The following COL20A1 variants were observed in gnomAD, a reference collection of about 807,000 sequenced individuals.
The protein encoded by COL20A1 is collagen alpha-1(XX) chain.
A neutral mutation model predicts 152.9 loss-of-function variants in COL20A1; 164 were observed. That is an observed-to-expected ratio of 1.07 (90% CI 0.94 to 1.22). COL20A1 has a LOEUF of 1.22. Ranked by LOEUF, COL20A1 falls within the 50% of genes most tolerant of loss-of-function variation. The pLI is 0.00. For missense variants in COL20A1, 1,873 were observed against 1,744.8 expected (o/e 1.07, Z -1.31); for synonymous variants, 864 against 756.0 (o/e 1.14, Z -2.34).
At chr20:63,320,866 T>C (rs2068152915) in intron 25 of COL20A1, 147 bp from the exon 26 acceptor site, 2 of 636,678 alleles carry the variant, frequency 3.1e-6, no homozygotes, top group Admixed American at 2.7e-5. Context: ...CACTATGCAC[T>C]TGGGCCCCTG....
chr20:63,295,259 C>T (rs2067772540), intron 2 of COL20A1, 70 bp downstream of exon 2: 11 of 1,006,588 alleles, frequency 1.1e-5, no homozygotes, highest in East Asian at 2.6e-5. Flanking sequence ...CCACGCGGGA[C>T]GAGCCCTCCG....
rs2068023823 is a variant in COL20A1, at chr20:63,312,568, G to A, written c.1933+19G>A. On this transcript the variant is annotated intron_variant, in intron 15 of 35. Coordinates refer to ENST00000358894, the MANE Select transcript of COL20A1 (RefSeq NM_020882.4). ...ACCACCAGTGAGTGGGGAGAGGCTG[G>A]GGCTGGGGGTCCAGCAGGGTTTCTG... The A allele has an allele frequency of 9.6e-6, 15 of 1,555,256 alleles. No individual in the cohort carries two copies. Among genetic ancestry groups the A allele is most frequent in the Non-Finnish European group, 1.2e-5 (14 of 1,155,864 alleles).
At chr20:63,322,407 G>T (rs1404640119) in intron 27 of COL20A1, among the ~76,000 whole-genome samples, 1 of 152,204 alleles carries the variant, frequency 6.6e-6, no homozygotes, top group Non-Finnish European at 1.5e-5. Context: ...GGAATCTGAG[G>T]CTTGGGGAGG....
chr20:63,318,347 G>T (rs6090360), intron 21 of COL20A1, among the ~76,000 whole-genome samples: 38 of 152,168 alleles, frequency 2.5e-4, no homozygotes, highest in African/African-American at 7.9e-4. Flanking sequence ...AAGAGTGAAT[G>T]GAAGACAGAT....
Position 63,306,070 on chromosome 20 carries a change from C to T in COL20A1, c.496+31C>T, listed in dbSNP as rs773944380. ...TCAGAGTGGAGAGAGAGTAAGTCTC[C>T]GGGGAGGGAGTGACCTTTGGTTTCC... On this transcript the variant is annotated intron_variant, in intron 5 of 35. Coordinates refer to ENST00000358894, the MANE Select transcript of COL20A1 (RefSeq NM_020882.4). The surrounding 1 kb of genome is among the most constrained non-coding windows in gnomAD (Gnocchi z 6.9). The T allele has an allele frequency of 7.7e-6, 12 of 1,553,280 alleles. No individual in the cohort carries two copies. Among genetic ancestry groups the T allele is most frequent in the African/African-American group, 2.8e-5 (2 of 72,688 alleles).
chr20:63,327,034 CT>C (rs1368729067), intron 31 of COL20A1, among the ~76,000 whole-genome samples: 1 of 152,034 alleles, frequency 6.6e-6, no homozygotes, highest in African/African-American at 2.4e-5. Flanking sequence ...TAGGGACTTC[CT>C]GGTGACAGCC....
chr20:63,293,564 C>T (rs1006833238), intron 1 of COL20A1, among the ~76,000 whole-genome samples: 25 of 152,216 alleles, frequency 1.6e-4, no homozygotes, highest in Middle Eastern at 3.4e-3. Context: ...GAGCAGAGAG[C>T]GGCTTGCACT....
intron 10 of COL20A1, 147 bp from the exon 11 acceptor site, chr20:63,310,234 C>T (rs7347209): frequency 0.061 from 50,405 of 820,758 alleles, 1,885 homozygotes; most frequent in South Asian, 0.1. Context: ...ACTGCTCTGT[C>T]GTAGGTACAG....
At chr20:63,308,212 C>A (rs909051687) in intron 7 of COL20A1, 122 bp downstream of exon 7, 2 of 1,228,580 alleles carry the variant, frequency 1.6e-6, no homozygotes, top group Non-Finnish European at 1.1e-6. Context: ...GCCCTGTTCA[C>A]ACCTTTATAG....
At position 63,328,007 on chromosome 20, in the gene COL20A1, T is replaced by G; in HGVS notation, c.3564+20T>G. 1 of 1,611,424 alleles carries G rather than the reference T, an allele frequency of 6.2e-7. No individual in the cohort carries two copies. The highest frequency in any genetic ancestry group is 8.5e-7 in the Non-Finnish European group (1 of 1,178,864). ...GAGAAGGTAAGTGAGGCTGAGATCT[T>G]TGGCTCACTTGGGATCTCCTGGGAA... On this transcript the variant is annotated intron_variant, in intron 32 of 35. Coordinates refer to ENST00000358894, the MANE Select transcript of COL20A1 (RefSeq NM_020882.4).
At chr20:63,297,843 C>G in intron 2 of COL20A1, 67 bp from the exon 3 acceptor site, 2 of 1,236,708 alleles carry the variant, frequency 1.6e-6, no homozygotes, top group Non-Finnish European at 2.4e-6. Context: ...GATGCCTGTA[C>G]CCCCACAGCT....
Position 63,313,699 on chromosome 20 carries a change from T to C in COL20A1, c.2210-44T>C. 6.6e-7 allele frequency: 1 copy of C among 1,511,554 alleles called. No homozygotes were observed. Among genetic ancestry groups the C allele is most frequent in the Non-Finnish European group, 8.8e-7 (1 of 1,133,618 alleles). 93.6% of individuals were successfully genotyped at this position (1,511,554 alleles called of 1,614,324 possible). On this transcript the variant is annotated intron_variant, in intron 17 of 35. Coordinates refer to ENST00000358894, the MANE Select transcript of COL20A1 (RefSeq NM_020882.4). This position sits in a 1 kb window ranked among gnomAD's most constrained non-coding sequence, Gnocchi z 5.9. ...GTCCTCTGGCCACCGGGTGCCTCCTTTCTGGAGGGGCCTGAGCCCCACACA... is the reference window on the plus strand; with the variant it reads ...GTCCTCTGGCCACCGGGTGCCTCCTCTCTGGAGGGGCCTGAGCCCCACACA...
chr20:63,312,901 G>A lies in COL20A1; in HGVS notation c.2043G>A (p.Thr681=), dbSNP rs376373104. ...APSGVLVYQI[T]WTPLGEGKAH... ...CTGGCGTGCTTGTCTACCAGATCAC[G>A]TGGACGCCCCTGGGAGAGGGGAAGG... is the stretch of plus-strand genomic sequence containing the variant. The change falls in exon 16 of 36, where the codon ACG becomes ACA. Residue 681 remains threonine, a synonymous_variant. Coordinates refer to ENST00000358894, the MANE Select transcript of COL20A1 (RefSeq NM_020882.4). 4,679 of 1,558,004 alleles carry A rather than the reference G, an allele frequency of 3.0e-3. 15 individuals carry two copies. Among genetic ancestry groups the A allele is most frequent in the Non-Finnish European group, 3.7e-3 (4,311 of 1,151,000 alleles).
intron 6 of COL20A1, 114 bp downstream of exon 6, chr20:63,307,762 G>A: frequency 5.4e-6 from 7 of 1,289,452 alleles, no homozygotes; most frequent in Non-Finnish European, 7.5e-6. Context: ...CTCACCTTGT[G>A]GGGTGGGACG....
chr20:63,310,220 T>G (rs2067986601), intron 10 of COL20A1, among the ~76,000 whole-genome samples, 161 bp from the exon 11 acceptor site: 1 of 152,064 alleles, frequency 6.6e-6, no homozygotes, highest in African/African-American at 2.4e-5. Flanking sequence ...GTGGTGGGCC[T>G]GGCACTGCTC....
chr20:63,329,328 C>A (rs1174669528), intron 34 of COL20A1: 1 of 558,020 alleles, frequency 1.8e-6, no homozygotes, highest in Admixed American at 3.2e-5. Context: ...ATGAGGGTGA[C>A]AGGCACTATC....
chr20:63,316,919 G>A (rs2068092527), intron 21 of COL20A1, among the ~76,000 whole-genome samples: 1 of 152,226 alleles, frequency 6.6e-6, no homozygotes, highest in East Asian at 1.9e-4. Context: ...CCAGCCCCTT[G>A]GCATATTTTG....
At chr20:63,314,282 C>CT in intron 19 of COL20A1, 81 bp downstream of exon 19, 13 of 1,302,100 alleles carry the variant, frequency 1.0e-5, no homozygotes, top group Non-Finnish European at 1.3e-5. Flanking sequence ...CAGCTCCAGA[C>CT]TCATCCAACC....
In COL20A1 at chr20:63,312,537, CG is replaced by C; in HGVS notation, c.1924del (p.Val642Ter). ...GGGTGGCTCCTCTACGCTGACTGGC[CG>C]GGTGACCACCAGTGAGTGGGGAGAG... is the stretch of plus-strand genomic sequence containing the variant. ...PGGGSSTLTG[R>X]VTTKKAPSPS... On this transcript the variant is annotated frameshift_variant, in exon 15 of 36. Transcript: ENST00000358894. LOFTEE classifies it high-confidence loss of function. 6.3e-7 allele frequency: 1 copy of C among 1,587,738 alleles called. No homozygotes were observed. The highest frequency in any genetic ancestry group is 8.5e-7 in the Non-Finnish European group (1 of 1,170,738).
Sources: gnomAD v4.1 joint callset for allele counts (sites outside exome capture counted in the v4.1 genomes callset) on GRCh38, gnomAD v4.1.1 for gene constraint, Gnocchi (gnomAD v3.1) non-coding constraint, MANE v1.5 for transcripts, NCBI Gene and HGNC (gene_info 2026-07-23, HGNC 2026-07-21) for gene names.